Variants in IFT88 observed in about 807,000 individuals in gnomAD.
The protein encoded by IFT88 is intraflagellar transport protein 88 homolog.
A neutral mutation model predicts 119.5 loss-of-function variants in IFT88; 74 were observed. That is an observed-to-expected ratio of 0.62 (90% CI 0.51 to 0.75). IFT88 has a LOEUF of 0.75. Among genes scored for constraint, IFT88 ranks in the 30% least tolerant of loss-of-function variants. IFT88 has a pLI of 0.00. For missense variants in IFT88, 961 were observed against 977.7 expected (o/e 0.98, Z 0.23); for synonymous variants, 279 against 316.7 (o/e 0.88, Z 1.26).
chr13:20,570,857 A>G (rs2036214684), intron 1 of IFT88, among the ~76,000 whole-genome samples: 2 of 152,200 alleles, frequency 1.3e-5, no homozygotes, highest in South Asian at 4.1e-4. Context: ...TATATGAATT[A>G]TAGTTCAAAA....
intron 3 of IFT88, among the ~76,000 whole-genome samples, chr13:20,587,282 A>G (rs895390368): frequency 6.6e-6 from 1 of 151,226 alleles, no homozygotes; most frequent in African/African-American, 2.4e-5. Context: ...TTCTGAGACC[A>G]AGTCTCACTC....
At chr13:20,626,262 G>A (rs2442444) in intron 15 of IFT88, among the ~76,000 whole-genome samples, 24,888 of 151,526 alleles carry the variant, frequency 0.16, 2,388 homozygotes, top group African/African-American at 0.25. Flanking sequence ...GGGTTTCACC[G>A]TGTTAGCCAG....
intron 14 of IFT88, among the ~76,000 whole-genome samples, chr13:20,616,166 C>T (rs1566208229): frequency 6.6e-6 from 1 of 152,166 alleles, no homozygotes; most frequent in Non-Finnish European, 1.5e-5. Context: ...TGAAAAATTC[C>T]TATCACTAGT....
At position 20,578,034 on chromosome 13, in the gene IFT88, C is replaced by CTTTTTTTTTTT. The variant is rs57202566; in HGVS notation, c.90+3577_90+3587dup. 7.2e-4 allele frequency among the ~76,000 whole-genome samples: 40 copies of CTTTTTTTTTTT among 55,870 alleles called. 1 individual carries two copies. The highest frequency in any genetic ancestry group is 2.5e-3 in the African/African-American group (39 of 15,416). 36.7% of individuals were successfully genotyped at this position (55,870 alleles called of 152,430 possible). On this transcript the variant is annotated intron_variant, in intron 2 of 25. Coordinates refer to ENST00000351808, the MANE Select transcript of IFT88 (RefSeq NM_006531.5). ...TATTGTGGCTTCAGTCTTGTTACTT[C>CTTTTTTTTTTT]TTTTTTTTTTTTTTTTTTTTTTTTT...
At chr13:20,621,611 G>C (rs1357064567) in intron 14 of IFT88, among the ~76,000 whole-genome samples, 1 of 146,186 alleles carries the variant, frequency 6.8e-6, no homozygotes, top group African/African-American at 2.6e-5. Context: ...AACAGTTTTA[G>C]TTTCTTAGCA....
chr13:20,623,447 A>G (rs146120075), intron 14 of IFT88, among the ~76,000 whole-genome samples: 20 of 152,270 alleles, frequency 1.3e-4, no homozygotes, highest in South Asian at 8.3e-4. Context: ...GTCCATAAAC[A>G]TGGGACATGT....
At chr13:20,593,772 G>A (rs2041150488) in intron 7 of IFT88, among the ~76,000 whole-genome samples, 1 of 152,004 alleles carries the variant, frequency 6.6e-6, no homozygotes, top group South Asian at 2.1e-4. Context: ...GACACAGGCC[G>A]GGCGTGGTGG....
chr13:20,589,205 G>T (rs924394901), intron 3 of IFT88, among the ~76,000 whole-genome samples: 3 of 152,124 alleles, frequency 2.0e-5, no homozygotes, highest in African/African-American at 7.2e-5. Context: ...TAATGAGAAG[G>T]TTTTTAAAAA....
intron 3 of IFT88, 52 bp downstream of exon 3, chr13:20,583,071 A>G (rs774101772): frequency 9.1e-7 from 1 of 1,096,238 alleles, no homozygotes; most frequent in Non-Finnish European, 1.4e-6. Flanking sequence ...ATAACATGAA[A>G]TTTACCAGAT....
chr13:20,582,182 T>C (rs553256676), intron 2 of IFT88, among the ~76,000 whole-genome samples: 29 of 152,108 alleles, frequency 1.9e-4, no homozygotes, highest in African/African-American at 2.7e-4. Context: ...GGTTGGAAGA[T>C]TGACTGTTGG....
At chr13:20,609,485 G>A (rs548733691) in intron 13 of IFT88, among the ~76,000 whole-genome samples, 97 of 152,272 alleles carry the variant, frequency 6.4e-4, no homozygotes, top group African/African-American at 2.1e-3. Flanking sequence ...GGCTGGGTGC[G>A]GTGGTTCAAC....
rs868317732 is a variant in IFT88, at chr13:20,605,371, A to G, written c.1112+266A>G. Among the ~76,000 whole-genome samples, 6 of 152,220 alleles carry G rather than the reference A, an allele frequency of 3.9e-5. No homozygotes were observed. The East Asian group carries it at 9.7e-4, about 25-fold the overall frequency. On this transcript the variant is annotated intron_variant, in intron 13 of 25. Transcript: ENST00000351808. The stretch of plus-strand genomic sequence containing the variant: ...TGCTCATGCTAATCTCAATTACTCA[A>G]TCTCAGTTATTCTGTCAGTTGTTTC...
At position 20,622,128 on chromosome 13, in the gene IFT88, A is replaced by G. The variant is rs371996199; in HGVS notation, c.1200-3622A>G. Among the ~76,000 whole-genome samples, 84 of 152,316 alleles carry G rather than the reference A, an allele frequency of 5.5e-4. 1 individual carries two copies. The South Asian group carries it at 0.016, about 29-fold the overall frequency. The stretch of plus-strand genomic sequence containing the variant: ...GAATATTTCTGTTTACCAATTGAGC[A>G]TCCCAAATCCAGAGTCTGTAATCCT... On this transcript the variant is annotated intron_variant, in intron 14 of 25. Coordinates refer to ENST00000351808, the MANE Select transcript of IFT88 (RefSeq NM_006531.5).
chr13:20,690,140 G>T (rs1464734082), intron 24 of IFT88, among the ~76,000 whole-genome samples: 1 of 152,092 alleles, frequency 6.6e-6, no homozygotes, highest in Non-Finnish European at 1.5e-5. Flanking sequence ...AAAACGAAAT[G>T]GTCAGTGTGT....
At chr13:20,592,441 C>T in intron 7 of IFT88, 37 bp downstream of exon 7, 2 of 1,461,466 alleles carry the variant, frequency 1.4e-6, no homozygotes, top group Non-Finnish European at 1.9e-6. Context: ...GTTGTTGTTG[C>T]TGCATATTTT....
At chr13:20,645,749 C>A (rs2050650321) in intron 20 of IFT88, among the ~76,000 whole-genome samples, 2 of 152,182 alleles carry the variant, frequency 1.3e-5, no homozygotes, top group Non-Finnish European at 2.9e-5. Flanking sequence ...ACATCATCTT[C>A]TGCTTTGTAT....
chr13:20,580,874 C>T (rs768007438), intron 2 of IFT88, among the ~76,000 whole-genome samples: 54 of 151,824 alleles, frequency 3.6e-4, no homozygotes, highest in South Asian at 8.3e-4. Context: ...TACAGGCGCC[C>T]GCCACCACGC....
At chr13:20,689,125 G>T (rs2058239422) in intron 24 of IFT88, among the ~76,000 whole-genome samples, 1 of 152,004 alleles carries the variant, frequency 6.6e-6, no homozygotes. Context: ...GTAGAGACGG[G>T]GTTTCACCAT....
At chr13:20,677,349 A>G (rs1299340200) in intron 24 of IFT88, among the ~76,000 whole-genome samples, 8 of 152,220 alleles carry the variant, frequency 5.3e-5, no homozygotes, top group Non-Finnish European at 1.2e-4. Flanking sequence ...TGTAAGAATG[A>G]GCTGAAATTC....
Sources: allele counts gnomAD v4.1 joint callset (sites outside exome capture counted in the v4.1 genomes callset), GRCh38; gene constraint gnomAD v4.1.1; transcripts MANE v1.5; gene names NCBI Gene and HGNC (gene_info 2026-07-23, HGNC 2026-07-21).